Variants in NXPH1 observed in about 807,000 individuals in gnomAD.
NXPH1 encodes neurexophilin 1.
Under a neutral mutation model 23.7 loss-of-function variants are expected in NXPH1, and 5 were observed. The ratio of observed to expected loss-of-function variants is 0.21; its 90% confidence interval spans 0.11 to 0.44. The LOEUF is 0.44. NXPH1 is among the 20% of genes least tolerant of loss of function. NXPH1 has a pLI of 0.99. For missense variants in NXPH1, 324 were observed against 321.6 expected, an observed-to-expected ratio of 1.01 and a Z score of -0.06; for synonymous variants, 144 against 122.2, an observed-to-expected ratio of 1.18 and a Z score of -1.18.
intron 2 of NXPH1, among the ~76,000 whole-genome samples, chr7:8,480,576 T>G (rs1817055778): frequency 6.6e-6 from 1 of 152,174 alleles, no homozygotes; most frequent in Non-Finnish European, 1.5e-5. Context: ...GTCAGGAAAC[T>G]GGGCAATAAA....
intron 2 of NXPH1, among the ~76,000 whole-genome samples, chr7:8,449,316 A>G (rs2128605214): frequency 6.6e-6 from 1 of 152,326 alleles, no homozygotes; most frequent in Non-Finnish European, 1.5e-5. Flanking sequence ...ATCCAAGAAA[A>G]GTTCCTACAC....
intron 2 of NXPH1, among the ~76,000 whole-genome samples, chr7:8,534,653 CAA>C (rs1189738016): frequency 6.6e-6 from 1 of 152,044 alleles, no homozygotes; most frequent in Non-Finnish European, 1.5e-5. Context: ...AAAGAAATAT[CAA>C]ACAATAACAG....
intron 2 of NXPH1, among the ~76,000 whole-genome samples, chr7:8,499,557 G>A (rs897175023): frequency 1.3e-5 from 2 of 152,094 alleles, no homozygotes; most frequent in African/African-American, 2.4e-5. Context: ...AAAACAGACA[G>A]TGCAAAAATA....
At chr7:8,692,918 C>A (rs180801116) in intron 2 of NXPH1, among the ~76,000 whole-genome samples, 1 of 152,100 alleles carries the variant, frequency 6.6e-6, no homozygotes, top group Admixed American at 6.5e-5. Context: ...AGACAAAACA[C>A]CGCCTGTAAG....
intron 2 of NXPH1, among the ~76,000 whole-genome samples, chr7:8,568,870 G>A (rs1437848553): frequency 6.6e-6 from 1 of 151,718 alleles, no homozygotes; most frequent in Admixed American, 6.6e-5. Flanking sequence ...TGATATCTTT[G>A]CATTTGTAAC....
intron 2 of NXPH1, among the ~76,000 whole-genome samples, chr7:8,675,422 G>A (rs1820936807): frequency 6.6e-6 from 1 of 152,046 alleles, no homozygotes; most frequent in South Asian, 2.1e-4. Flanking sequence ...GATATACAAT[G>A]TACTTCATAT....
chr7:8,516,698 A>G (rs930022916), intron 2 of NXPH1, among the ~76,000 whole-genome samples: 1 of 152,176 alleles, frequency 6.6e-6, no homozygotes, highest in African/African-American at 2.4e-5. Flanking sequence ...AAGAGGAGGT[A>G]GAACTCTGGA....
At chr7:8,541,337 T>G (rs1330404532) in intron 2 of NXPH1, among the ~76,000 whole-genome samples, 1 of 151,676 alleles carries the variant, frequency 6.6e-6, no homozygotes, top group Non-Finnish European at 1.5e-5. Flanking sequence ...ATCAGTGAGT[T>G]GTGGGATAAC....
At chr7:8,547,140 C>A (rs1818208242) in intron 2 of NXPH1, among the ~76,000 whole-genome samples, 1 of 151,470 alleles carries the variant, frequency 6.6e-6, no homozygotes, top group South Asian at 2.1e-4. Context: ...GATTCACAAC[C>A]CAATGCCCCC....
chr7:8,678,481 G>A (rs1820990699), intron 2 of NXPH1, among the ~76,000 whole-genome samples: 1 of 152,034 alleles, frequency 6.6e-6, no homozygotes, highest in Non-Finnish European at 1.5e-5. Flanking sequence ...TTTTTCTCCA[G>A]TTGCATCCTA....
chr7:8,639,270 A>G (rs1820268683), intron 2 of NXPH1, among the ~76,000 whole-genome samples: 1 of 152,226 alleles, frequency 6.6e-6, no homozygotes, highest in South Asian at 2.1e-4. Context: ...TTGGAAAAAA[A>G]ATAGTCTGAT....
At chr7:8,695,988 A>G (rs1779494150) in intron 2 of NXPH1, among the ~76,000 whole-genome samples, 1 of 152,238 alleles carries the variant, frequency 6.6e-6, no homozygotes, top group Non-Finnish European at 1.5e-5. Flanking sequence ...ATTTGGAAGC[A>G]TAGTCTGAAG....
chr7:8,567,712 T>G (rs2128621579), intron 2 of NXPH1, among the ~76,000 whole-genome samples: 1 of 152,026 alleles, frequency 6.6e-6, no homozygotes, highest in South Asian at 2.1e-4. Flanking sequence ...TTCTCTGAGG[T>G]GCTCTCTGAG....
chr7:8,480,428 A>C (rs1817053678), intron 2 of NXPH1, among the ~76,000 whole-genome samples: 1 of 152,198 alleles, frequency 6.6e-6, no homozygotes, highest in Admixed American at 6.5e-5. Context: ...GGGTATGCCC[A>C]ATGCTCCAGA....
chr7:8,567,784 G>A (rs1038077283), intron 2 of NXPH1, among the ~76,000 whole-genome samples: 5 of 151,786 alleles, frequency 3.3e-5, no homozygotes, highest in Admixed American at 6.6e-5. Context: ...CCTAAATATA[G>A]TTTAGTTAAA....
At chr7:8,547,032 A>G (rs1203646646) in intron 2 of NXPH1, among the ~76,000 whole-genome samples, 1 of 151,420 alleles carries the variant, frequency 6.6e-6, no homozygotes, top group African/African-American at 2.4e-5. Flanking sequence ...ACTCTTGAAC[A>G]TCCTCCTAAA....
intron 2 of NXPH1, among the ~76,000 whole-genome samples, chr7:8,697,905 G>A (rs887251763): frequency 6.6e-6 from 1 of 152,162 alleles, no homozygotes; most frequent in African/African-American, 2.4e-5. Context: ...TCACAGAGAT[G>A]ACTCCTATAG....
chr7:8,634,542 C>T (rs1330597645), intron 2 of NXPH1, among the ~76,000 whole-genome samples: 2 of 151,920 alleles, frequency 1.3e-5, no homozygotes, highest in Non-Finnish European at 2.9e-5. Flanking sequence ...TCATACTCAT[C>T]TGAGTGTTTC....
chr7:8,610,795 A>G (rs1819601047), intron 2 of NXPH1, among the ~76,000 whole-genome samples: 1 of 152,116 alleles, frequency 6.6e-6, no homozygotes, highest in African/African-American at 2.4e-5. Flanking sequence ...TCCCATCTCC[A>G]TAGTACAATC....
Sources: allele counts gnomAD v4.1 joint callset (sites outside exome capture counted in the v4.1 genomes callset), GRCh38; gene constraint gnomAD v4.1.1; transcripts MANE v1.5; gene names NCBI Gene and HGNC (gene_info 2026-07-23, HGNC 2026-07-21).